Variants in PAK5 observed in about 807,000 individuals in gnomAD.
The protein encoded by PAK5 is serine/threonine-protein kinase PAK 5.
Under a neutral mutation model 65.9 loss-of-function variants are expected in PAK5, and 16 were observed. That is an observed-to-expected ratio of 0.24 (90% CI 0.16 to 0.37). The LOEUF (loss-of-function observed/expected upper bound fraction) is 0.37. Among genes scored for constraint, PAK5 ranks in the 10% least tolerant of loss-of-function variants. PAK5 has a pLI of 1.00. For missense variants in PAK5, 785 were observed against 903.9 expected, an observed-to-expected ratio of 0.87 and a Z score of 1.69; for synonymous variants, 371 against 354.9, an observed-to-expected ratio of 1.05 and a Z score of -0.51.
chr20:9,747,364 C>T lies in PAK5; in HGVS notation c.-161-35929G>A, dbSNP rs547953146. Among the ~76,000 whole-genome samples the T allele has an allele frequency of 1.2e-3, 175 of 151,982 alleles. 2 individuals carry two copies. Among genetic ancestry groups the T allele is most frequent in the African/African-American group, 3.7e-3 (152 of 41,414 alleles). On this transcript the variant is annotated intron_variant, in intron 1 of 9. Transcript: ENST00000353224. ...GCCAGCATCATCCTGATACCAAAGCCGGGCAGAGACACAACCAAAAAAGAG... is the reference window on the plus strand; with the variant it reads ...GCCAGCATCATCCTGATACCAAAGCTGGGCAGAGACACAACCAAAAAAGAG...
At chr20:9,642,316 T>G (rs1569016203) in intron 3 of PAK5, among the ~76,000 whole-genome samples, 1 of 152,240 alleles carries the variant, frequency 6.6e-6, no homozygotes. Context: ...CTCCAGCACC[T>G]GTTGTTTCCT....
intron 3 of PAK5, among the ~76,000 whole-genome samples, chr20:9,583,764 A>G (rs1249122719): frequency 6.6e-6 from 1 of 152,164 alleles, no homozygotes; most frequent in Non-Finnish European, 1.5e-5. Context: ...ATATCTCCTG[A>G]GTTTCCTCTA....
At chr20:9,802,262 A>G (rs1381638287) in intron 1 of PAK5, among the ~76,000 whole-genome samples, 2 of 152,132 alleles carry the variant, frequency 1.3e-5, no homozygotes, top group Non-Finnish European at 2.9e-5. Flanking sequence ...TGGCTTAGGC[A>G]TCATGTGAGG....
At chr20:9,653,235 A>G (rs2047223654) in intron 2 of PAK5, among the ~76,000 whole-genome samples, 1 of 152,214 alleles carries the variant, frequency 6.6e-6, no homozygotes, top group Admixed American at 6.5e-5. Context: ...GAGTAACATC[A>G]ATGTAGTAAG....
chr20:9,556,875 T>C (rs2045515602), intron 7 of PAK5, among the ~76,000 whole-genome samples: 1 of 152,130 alleles, frequency 6.6e-6, no homozygotes, highest in Non-Finnish European at 1.5e-5. Context: ...TCCTAGCTGA[T>C]TTCAGCCAAT....
intron 2 of PAK5, among the ~76,000 whole-genome samples, chr20:9,672,480 C>A (rs571995545): frequency 3.5e-4 from 53 of 151,588 alleles, no homozygotes; most frequent in African/African-American, 1.2e-3. Context: ...GTGCTGTTCT[C>A]ATGATAGTGA....
chr20:9,554,360 G>T (rs2045475503), intron 7 of PAK5, among the ~76,000 whole-genome samples: 1 of 152,184 alleles, frequency 6.6e-6, no homozygotes, highest in Admixed American at 6.5e-5. Context: ...CAGTTGCCAT[G>T]CCATGAGGAA....
intron 1 of PAK5, among the ~76,000 whole-genome samples, chr20:9,771,913 C>G (rs1198291186): frequency 1.3e-5 from 2 of 151,996 alleles, no homozygotes; most frequent in Non-Finnish European, 2.9e-5. Context: ...TGGTACATGC[C>G]CATGGTCCCA....
intron 8 of PAK5, 51 bp downstream of exon 8, chr20:9,544,318 T>A (rs2045310729): frequency 1.3e-6 from 2 of 1,593,682 alleles, no homozygotes; most frequent in Non-Finnish European, 1.7e-6. Context: ...AACCAATGGG[T>A]CCCTGAGCCT....
chr20:9,626,745 G>GCC (rs1569007398), intron 3 of PAK5, among the ~76,000 whole-genome samples: 176 of 152,260 alleles, frequency 1.2e-3, no homozygotes, highest in African/African-American at 3.9e-3. Context: ...AGTTTGGACT[G>GCC]AATTACCTAA....
chr20:9,815,811 T>C (rs1281012353), intron 1 of PAK5, among the ~76,000 whole-genome samples: 4 of 152,180 alleles, frequency 2.6e-5, no homozygotes, highest in African/African-American at 9.7e-5. Context: ...TATGCTTCTA[T>C]TTCACATGCC....
chr20:9,768,234 G>T (rs373747033), intron 1 of PAK5, among the ~76,000 whole-genome samples: 1 of 151,418 alleles, frequency 6.6e-6, no homozygotes, highest in Non-Finnish European at 1.5e-5. Flanking sequence ...TAGACACAGG[G>T]GTACACGTGC....
chr20:9,817,769 A>C (rs545649050), intron 1 of PAK5, among the ~76,000 whole-genome samples: 2 of 152,334 alleles, frequency 1.3e-5, no homozygotes, highest in South Asian at 4.1e-4. Context: ...TGCCAAGTCC[A>C]TAATCCAATC....
intron 4 of PAK5, chr20:9,575,497 T>A (rs2045870817): frequency 6.6e-6 from 1 of 152,188 alleles, no homozygotes; most frequent in African/African-American, 2.4e-5. Flanking sequence ...GATTATCTTT[T>A]AAAAAATCAA....
chr20:9,709,467 C>T (rs1014426610), intron 2 of PAK5, among the ~76,000 whole-genome samples: 3 of 152,132 alleles, frequency 2.0e-5, no homozygotes, highest in Non-Finnish European at 4.4e-5. Flanking sequence ...ATGGTTTGCA[C>T]CTGTTTACTT....
chr20:9,563,615 G>T (rs574602757), intron 5 of PAK5, among the ~76,000 whole-genome samples: 1 of 152,286 alleles, frequency 6.6e-6, no homozygotes, highest in Non-Finnish European at 1.5e-5. Flanking sequence ...AGGCTAAGGA[G>T]CCTGCTTGCT....
In PAK5 at chr20:9,563,747, T is replaced by A. The variant is rs189479714; in HGVS notation, c.1483-723A>T. On this transcript the variant is annotated intron_variant, in intron 5 of 9. Coordinates refer to ENST00000353224, the MANE Select transcript of PAK5 (RefSeq NM_177990.4). ...CATATTGCTCTGTGTGTTCTGGCAT[T>A]GTGGTTTGGAAAATAAATTCCAGAA... Among the ~76,000 whole-genome samples the A allele has an allele frequency of 3.7e-3, 568 of 152,262 alleles. 12 individuals are homozygous for A. The highest frequency in any genetic ancestry group is 8.7e-4 in the Non-Finnish European group (59 of 68,016).
intron 7 of PAK5, among the ~76,000 whole-genome samples, chr20:9,553,523 C>T (rs933608519): frequency 2.6e-5 from 4 of 152,104 alleles, no homozygotes; most frequent in Non-Finnish European, 4.4e-5. Context: ...AACCACTCAT[C>T]TGCTGTGCAT....
chr20:9,625,393 A>G (rs2046830019), intron 3 of PAK5, among the ~76,000 whole-genome samples: 1 of 152,174 alleles, frequency 6.6e-6, no homozygotes, highest in Non-Finnish European at 1.5e-5. Context: ...CACTTTCTAC[A>G]ACGCTGTGCC....
Sources: allele counts gnomAD v4.1 joint callset (sites outside exome capture counted in the v4.1 genomes callset), GRCh38; gene constraint gnomAD v4.1.1; transcripts MANE v1.5; gene names NCBI Gene and HGNC (gene_info 2026-07-23, HGNC 2026-07-21).